The following PLCB1 variants were observed in gnomAD, a reference collection of about 807,000 sequenced individuals.
The protein encoded by PLCB1 is phospholipase C beta 1, also known as 1-phosphatidylinositol 4,5-bisphosphate phosphodiesterase beta-1.
In PLCB1, 46 loss-of-function variants were observed where a neutral mutation model predicts 161.8. That is an observed-to-expected ratio of 0.28 (90% CI 0.22 to 0.36). PLCB1 has a LOEUF of 0.36. PLCB1 is among the 10% of genes least tolerant of loss of function. The probability of loss-of-function intolerance (pLI) is 1.00; values close to 1 mark genes in which losing one functional copy is unlikely to be tolerated. For missense variants in PLCB1, 1,016 were observed against 1,472.5 expected, an observed-to-expected ratio of 0.69 and a Z score of 5.07; for synonymous variants, 517 against 503.7, an observed-to-expected ratio of 1.03 and a Z score of -0.35.
intron 27 of PLCB1, among the ~76,000 whole-genome samples, chr20:8,782,980 A>C (rs192960485): frequency 6.6e-6 from 1 of 152,330 alleles, no homozygotes; most frequent in Non-Finnish European, 1.5e-5. Context: ...CCTCCATGGA[A>C]ACCATTTTCT....
intron 3 of PLCB1, among the ~76,000 whole-genome samples, chr20:8,496,424 A>C (rs2122794263): frequency 6.6e-6 from 1 of 152,196 alleles, no homozygotes; most frequent in East Asian, 1.9e-4. Context: ...GGATCACTTG[A>C]GCCTGGGAGA....
intron 2 of PLCB1, among the ~76,000 whole-genome samples, chr20:8,309,755 G>A (rs549776713): frequency 1.3e-5 from 2 of 152,158 alleles, no homozygotes; most frequent in Non-Finnish European, 2.9e-5. Flanking sequence ...GCAATGCCAT[G>A]CTGGTTTCCA....
chr20:8,292,177 CT>C (rs1383128370), intron 2 of PLCB1, among the ~76,000 whole-genome samples: 1 of 152,104 alleles, frequency 6.6e-6, no homozygotes, highest in Non-Finnish European at 1.5e-5. Context: ...AAGAAAGAAA[CT>C]TTCAAATCAC....
At chr20:8,706,509 G>A (rs1978685589) in intron 11 of PLCB1, among the ~76,000 whole-genome samples, 1 of 152,180 alleles carries the variant, frequency 6.6e-6, no homozygotes, top group Non-Finnish European at 1.5e-5. Context: ...AGGAGAGGAG[G>A]CGAGAATGGC....
chr20:8,473,559 A>G (rs2294552), intron 3 of PLCB1, among the ~76,000 whole-genome samples: 41,980 of 152,016 alleles, frequency 0.28, 6,088 homozygotes, highest in Non-Finnish European at 0.31. Flanking sequence ...GATTTTGACA[A>G]TCCAGCCTTG....
intron 2 of PLCB1, among the ~76,000 whole-genome samples, chr20:8,324,968 A>C (rs866983585): frequency 1.3e-5 from 2 of 152,348 alleles, no homozygotes; most frequent in Middle Eastern, 6.8e-3. Flanking sequence ...AAAGTTTTTG[A>C]TAATTAAAGA....
At chr20:8,698,560 C>A (rs1990631835) in intron 11 of PLCB1, among the ~76,000 whole-genome samples, 1 of 152,134 alleles carries the variant, frequency 6.6e-6, no homozygotes. Flanking sequence ...GTCTATCAGT[C>A]AAAGACCCCT....
chr20:8,722,267 T>C (rs1979685232), intron 14 of PLCB1, 87 bp from the exon 15 acceptor site: 1 of 983,472 alleles, frequency 1.0e-6, no homozygotes, highest in Non-Finnish European at 1.5e-6. Flanking sequence ...AAATCTGTAA[T>C]TGATTTTAGG....
At chr20:8,812,797 A>C (rs1273299988) in intron 31 of PLCB1, among the ~76,000 whole-genome samples, 1 of 152,210 alleles carries the variant, frequency 6.6e-6, no homozygotes, top group Non-Finnish European at 1.5e-5. Context: ...AAAAACGTGT[A>C]AAACCAATCC....
intron 31 of PLCB1, among the ~76,000 whole-genome samples, chr20:8,848,652 G>A (rs894902532): frequency 6.6e-6 from 1 of 152,212 alleles, no homozygotes; most frequent in Admixed American, 6.5e-5. Context: ...ATAGTCTTGT[G>A]TACTAAGCTA....
intron 2 of PLCB1, among the ~76,000 whole-genome samples, chr20:8,268,861 T>A (rs954313003): frequency 6.7e-6 from 1 of 150,370 alleles, no homozygotes; most frequent in African/African-American, 2.4e-5. Flanking sequence ...CTCAATGCCT[T>A]GAAAAAATAG....
intron 25 of PLCB1, among the ~76,000 whole-genome samples, chr20:8,763,511 G>A (rs113903298): frequency 6.6e-6 from 1 of 152,094 alleles, no homozygotes; most frequent in Non-Finnish European, 1.5e-5. Flanking sequence ...TCAGCCTCTC[G>A]AGCAGCTGGG....
At chr20:8,725,159 A>C (rs1393400805) in intron 16 of PLCB1, among the ~76,000 whole-genome samples, 1 of 152,186 alleles carries the variant, frequency 6.6e-6, no homozygotes, top group Non-Finnish European at 1.5e-5. Context: ...AAGCAGGCAG[A>C]GACTTGATGA....
intron 3 of PLCB1, among the ~76,000 whole-genome samples, chr20:8,487,366 A>G (rs1177912905): frequency 6.6e-6 from 1 of 152,210 alleles, no homozygotes; most frequent in African/African-American, 2.4e-5. Flanking sequence ...GCTTTCTGGA[A>G]GTATGAAGTG....
At chr20:8,367,859 G>T (rs958239098) in intron 2 of PLCB1, among the ~76,000 whole-genome samples, 1 of 152,218 alleles carries the variant, frequency 6.6e-6, no homozygotes, top group Non-Finnish European at 1.5e-5. Flanking sequence ...GAGAGAAAGG[G>T]ATGCAGTTAA....
At chr20:8,241,063 A>G (rs1980585417) in intron 2 of PLCB1, among the ~76,000 whole-genome samples, 2 of 152,014 alleles carry the variant, frequency 1.3e-5, no homozygotes, top group Admixed American at 6.6e-5. Context: ...CTGTGATCAC[A>G]TATCTGCCAA....
chr20:8,355,819 G>T (rs950630105), intron 2 of PLCB1, among the ~76,000 whole-genome samples: 1 of 152,072 alleles, frequency 6.6e-6, no homozygotes, highest in African/African-American at 2.4e-5. Context: ...CAGCTTTTTT[G>T]CACCTTAAAT....
chr20:8,874,066 T>C (rs1987694768), intron 31 of PLCB1, among the ~76,000 whole-genome samples: 1 of 152,038 alleles, frequency 6.6e-6, no homozygotes, highest in African/African-American at 2.4e-5. Flanking sequence ...AAATTTCAAA[T>C]GTTCTCACCA....
At chr20:8,644,946 G>A (rs202196667) in intron 4 of PLCB1, among the ~76,000 whole-genome samples, 27 of 152,274 alleles carry the variant, frequency 1.8e-4, no homozygotes, top group South Asian at 6.2e-4. Flanking sequence ...TGTAGAAAGA[G>A]GTAGACATGG....
Sources: allele counts gnomAD v4.1 joint callset (sites outside exome capture counted in the v4.1 genomes callset), GRCh38; gene constraint gnomAD v4.1.1; transcripts MANE v1.5; gene names NCBI Gene and HGNC (gene_info 2026-07-23, HGNC 2026-07-21).